SPTBN5: variants seen among roughly 807,000 people sequenced by gnomAD.
SPTBN5 encodes the protein spectrin beta, non-erythrocytic 5, also known as spectrin beta chain, non-erythrocytic 5.
SPTBN5 carries 513 observed loss-of-function variants against 477.6 expected under a neutral mutation model. The ratio of observed to expected loss-of-function variants is 1.07; its 90% CI spans 1.00 to 1.16. The LOEUF (loss-of-function observed/expected upper bound fraction) is 1.16. Ranked by LOEUF, SPTBN5 falls within the 50% of genes most tolerant of loss-of-function variation. The probability of loss-of-function intolerance (pLI) is 0.00; values close to 1 mark genes in which losing one functional copy is unlikely to be tolerated. For synonymous variants in SPTBN5, 2,169 were observed against 2,011.7 expected (o/e 1.08, Z -2.09); for missense variants, 5,062 against 4,731.8 (o/e 1.07, Z -2.05).
intron 53 of SPTBN5, 98 bp downstream of exon 53, chr15:41,856,287 CG>C (rs1173432456): frequency 8.8e-7 from 1 of 1,140,064 alleles, no homozygotes; most frequent in Non-Finnish European, 1.2e-6. Context: ...GTGGAGGAGA[CG>C]AAAGGTGCCC....
Position 41,886,271 on chromosome 15 carries a change from C to T in SPTBN5, c.984G>A (p.Gln328=). The change falls in exon 7 of 68, where the codon CAG becomes CAA. Residue 328 remains glutamine, a synonymous_variant. Transcript: ENST00000320955. ...LLRWIAEKQM[Q]LEARDFPDSL... ...AGTCTGGAAAATCCCGCGCCTCCAG[C>T]TGCATCTGCTTCTCTGCAATCCAGC... The T allele has an allele frequency of 6.2e-7, 1 of 1,613,334 alleles. No homozygotes were observed.
In SPTBN5 at chr15:41,882,445, G is replaced by A. The variant is rs1385500125; in HGVS notation, c.2071C>T (p.His691Tyr). The A allele has an allele frequency of 6.4e-7, 1 of 1,551,716 alleles. No homozygotes were observed. Among genetic ancestry groups the A allele is most frequent in the South Asian group, 1.2e-5 (1 of 84,996 alleles). Residue 691 changes from histidine to tyrosine, a missense_variant, in exon 11 of 68, where the codon CAC (histidine) becomes TAC (tyrosine). By Grantham distance (83) the His-to-Tyr change is moderately conservative (BLOSUM62 2). Transcript: ENST00000320955. ...HKALEAEVHR[H>Y]QAVCVDLVRR... ...ACGAGATCTACGCACACGGCCTGGT[G>A]GCGGTGGACCTCAGCTTCCAGGGCC...
chr15:41,892,951 G>C lies in SPTBN5; in HGVS notation c.327C>G (p.Arg109=), dbSNP rs529247968. 89 of 1,608,774 alleles carry C rather than the reference G, an allele frequency of 5.5e-5. No homozygotes were observed. The African/African-American group carries it at 8.9e-4, about 16-fold the overall frequency. The change falls in exon 3 of 68, where the codon CGC becomes CGG. Residue 109 remains arginine (R), a synonymous_variant. Coordinates refer to ENST00000320955, the MANE Select transcript of SPTBN5 (RefSeq NM_016642.4). ...TGTTCTCCAGGAAGTGCACACGCAGGCGGCCCCGGCTCGGGGGTGGCAGGG... is the reference window on the plus strand; with the variant it reads ...TGTTCTCCAGGAAGTGCACACGCAGCCGGCCCCGGCTCGGGGGTGGCAGGG... The part of the protein sequence containing the change: ...GEALPPPSRG[R]LRVHFLENSS...
chr15:41,888,642 G>T (rs373218085), intron 4 of SPTBN5, among the ~76,000 whole-genome samples: 1 of 152,208 alleles, frequency 6.6e-6, no homozygotes, highest in East Asian at 1.9e-4. Context: ...TTGTATTTTA[G>T]TTGGAACGGG....
At position 41,882,170 on chromosome 15, in the gene SPTBN5, G is replaced by A. The variant is rs1348021370; in HGVS notation, c.2248-25C>T. 8.4e-6 allele frequency: 13 copies of A among 1,539,892 alleles called. No individual in the cohort carries two copies. The Admixed American group carries it at 2.5e-4, about 29-fold the overall frequency. The stretch of plus-strand genomic sequence containing the variant: ...ACTGTGGGAGGGGGTCGGGGGTGGT[G>A]TGGGTGAAGGGGCGCGGCTGAGCGC... On this transcript the variant is annotated intron_variant, in intron 11 of 67. Coordinates refer to ENST00000320955, the MANE Select transcript of SPTBN5 (RefSeq NM_016642.4).
In SPTBN5 at chr15:41,882,755, G is replaced by A. The variant is rs1199629680; in HGVS notation, c.1893-17C>T. On this transcript the variant is annotated splice_polypyrimidine_tract_variant and intron_variant, in intron 9 of 67. Coordinates refer to ENST00000320955, the MANE Select transcript of SPTBN5 (RefSeq NM_016642.4). ...AGGGCCCGCCTGAGGGACAATAGGG[G>A]CCACCGAAGGACATGGGGAGTCGTG... is the stretch of plus-strand genomic sequence containing the variant. 3 of 1,603,978 alleles carry A rather than the reference G, an allele frequency of 1.9e-6. No individual in the cohort carries two copies. Among genetic ancestry groups the A allele is most frequent in the Admixed American group, 3.4e-5 (2 of 58,606 alleles).
intron 61 of SPTBN5, 63 bp from the exon 62 acceptor site, chr15:41,852,379 T>C: frequency 1.3e-6 from 2 of 1,499,010 alleles, no homozygotes; most frequent in South Asian, 1.3e-5. Context: ...CACCTCAGGT[T>C]CCCGTCTACC....
intron 34 of SPTBN5, 129 bp from the exon 35 acceptor site, chr15:41,867,771 C>T: frequency 1.1e-6 from 1 of 930,008 alleles, no homozygotes; most frequent in Non-Finnish European, 1.7e-6. Flanking sequence ...TGGCATGGAG[C>T]TGTGAGGAGT....
At chr15:41,863,034 G>T in intron 41 of SPTBN5, 131 bp from the exon 42 acceptor site, 2 of 787,888 alleles carry the variant, frequency 2.5e-6, no homozygotes, top group Non-Finnish European at 4.1e-6. Flanking sequence ...CGACTTTGAG[G>T]GCCAGAGATC....
chr15:41,871,715 G>A, intron 28 of SPTBN5, 67 bp downstream of exon 28: 1 of 1,443,474 alleles, frequency 6.9e-7, no homozygotes, highest in Non-Finnish European at 9.1e-7. Context: ...CGCCCCGCCA[G>A]AGCCAGCTTC....
In SPTBN5 at chr15:41,893,335, T is replaced by C; in HGVS notation, c.163A>G (p.Met55Val). 6.2e-7 allele frequency: 1 copy of C among 1,614,020 alleles called. No individual in the cohort carries two copies. Among genetic ancestry groups the C allele is most frequent in the Non-Finnish European group, 8.5e-7 (1 of 1,179,886 alleles). Residue 55 changes from methionine (M) to valine (V), a missense_variant, in exon 2 of 68, where the codon ATG becomes GTG. Coordinates refer to ENST00000320955, the MANE Select transcript of SPTBN5 (RefSeq NM_016642.4). ...CACTTGGTGAAAGTCTTCTCCTGCATCTGCATGTGCCGGGCCTGTAGCTTG... is the reference window on the plus strand; with the variant it reads ...CACTTGGTGAAAGTCTTCTCCTGCACCTGCATGTGCCGGGCCTGTAGCTTG... ...IRKLQARHMQMQEKTFTKWIN... is the reference protein window; with the variant it reads ...IRKLQARHMQVQEKTFTKWIN...
In SPTBN5 at chr15:41,854,181, G is replaced by A; in HGVS notation, c.9643C>T (p.His3215Tyr). 1 of 1,599,944 alleles carries A rather than the reference G, an allele frequency of 6.3e-7. No homozygotes were observed. Among genetic ancestry groups the A allele is most frequent in the Non-Finnish European group, 8.5e-7 (1 of 1,173,616 alleles). ...TCAGCTGCTGCCTGCTGAAAGCTGT[G>A]GACCTCATGGGCTGCAGCCAAGTTC... is the stretch of plus-strand genomic sequence containing the variant. ...TENLAAAHEV[H>Y]SFQQAAAELQ... The change falls in exon 57 of 68, where the codon CAC (histidine) becomes TAC (tyrosine). Residue 3215 changes from histidine to tyrosine, a missense_variant. Coordinates refer to ENST00000320955, the MANE Select transcript of SPTBN5 (RefSeq NM_016642.4).
chr15:41,882,490 G>A, intron 10 of SPTBN5, 21 bp from the exon 11 acceptor site: 1 of 1,561,318 alleles, frequency 6.4e-7, no homozygotes, highest in Non-Finnish European at 8.6e-7. Flanking sequence ...GCAGAGCAGG[G>A]GGCTCAGTGA....
At chr15:41,860,835 A>T in intron 46 of SPTBN5, 77 bp from the exon 47 acceptor site, 1 of 1,333,566 alleles carries the variant, frequency 7.5e-7, no homozygotes, top group Non-Finnish European at 9.8e-7. Flanking sequence ...CCCACCTAGA[A>T]CCATCCTACC....
At position 41,860,776 on chromosome 15, in the gene SPTBN5, C is replaced by T; in HGVS notation, c.7816-18G>A. ...AAGGGGTCCTGGTGGGAGTGGGGAA[C>T]CCAATACTGTCCATGAGCCTCCCCC... On this transcript the variant is annotated intron_variant, in intron 46 of 67. Transcript: ENST00000320955. 1 of 1,540,310 alleles carries T rather than the reference C, an allele frequency of 6.5e-7. No homozygotes were observed. Among genetic ancestry groups the T allele is most frequent in the Non-Finnish European group, 8.7e-7 (1 of 1,143,738 alleles).
intron 17 of SPTBN5, 138 bp from the exon 18 acceptor site, chr15:41,877,494 G>T (rs1567219158): frequency 7.8e-7 from 1 of 1,289,224 alleles, no homozygotes; most frequent in Non-Finnish European, 1.0e-6. Context: ...AGTGCTTAGG[G>T]TGCAGGGGTT....
chr15:41,893,766 G>A (rs1159388646), intron 1 of SPTBN5, 133 bp downstream of exon 1: 3 of 575,498 alleles, frequency 5.2e-6, no homozygotes, highest in Non-Finnish European at 9.2e-6. Context: ...AGCCCCTGCT[G>A]CCAGGTCCCT....
chr15:41,890,833 G>C (rs961756077), intron 3 of SPTBN5, among the ~76,000 whole-genome samples: 4 of 152,230 alleles, frequency 2.6e-5, no homozygotes, highest in African/African-American at 9.6e-5. Flanking sequence ...ATTTGGACAG[G>C]GAGGATGGGT....
chr15:41,882,163 G>T lies in SPTBN5; in HGVS notation c.2248-18C>A. On this transcript the variant is annotated intron_variant, in intron 11 of 67. Transcript: ENST00000320955. ...GCGAAGTACTGTGGGAGGGGGTCGGGGGTGGTGTGGGTGAAGGGGCGCGGC... is the reference window on the plus strand; with the variant it reads ...GCGAAGTACTGTGGGAGGGGGTCGGTGGTGGTGTGGGTGAAGGGGCGCGGC... 1 of 1,551,352 alleles carries T rather than the reference G, an allele frequency of 6.4e-7. No individual in the cohort carries two copies. Among genetic ancestry groups the T allele is most frequent in the Non-Finnish European group, 8.6e-7 (1 of 1,158,454 alleles).
Sources: allele counts gnomAD v4.1 joint callset (sites outside exome capture counted in the v4.1 genomes callset), GRCh38; gene constraint gnomAD v4.1.1; transcripts MANE v1.5; gene names NCBI Gene and HGNC (gene_info 2026-07-23, HGNC 2026-07-21).